Variants in COL13A1 observed in about 807,000 individuals in gnomAD.
The protein encoded by COL13A1 is collagen alpha-1(XIII) chain.
A neutral mutation model predicts 130.9 loss-of-function variants in COL13A1; 89 were observed. The ratio of observed to expected loss-of-function variants is 0.68; its 90% CI spans 0.57 to 0.81. The LOEUF is 0.81. Ranked by LOEUF, COL13A1 falls within the 30% of genes least tolerant of loss-of-function variation. The probability of loss-of-function intolerance (pLI) is 0.00; values close to 1 mark genes in which losing one functional copy is unlikely to be tolerated. For synonymous variants in COL13A1, 402 were observed against 341.6 expected (o/e 1.18, Z -1.95); for missense variants, 879 against 934.6 (o/e 0.94, Z 0.78).
chr10:69,924,640 G>A (rs1212985777), intron 24 of COL13A1, among the ~76,000 whole-genome samples: 2 of 152,148 alleles, frequency 1.3e-5, no homozygotes, highest in African/African-American at 2.4e-5. Context: ...TTAAAGAGAA[G>A]CAAACGTCCC....
chr10:69,952,607 C>G (rs933015539), intron 38 of COL13A1, among the ~76,000 whole-genome samples: 1 of 152,246 alleles, frequency 6.6e-6, no homozygotes, highest in East Asian at 1.9e-4. Context: ...AACCGGCCAC[C>G]AAAATCTTCA....
chr10:69,822,540 CTT>C (rs755810316), intron 2 of COL13A1, 102 bp downstream of exon 2: 2 of 875,064 alleles, frequency 2.3e-6, no homozygotes, highest in Non-Finnish European at 3.3e-6. Flanking sequence ...CAGGCCGTCA[CTT>C]TTCATTTGAA....
At chr10:69,918,976 C>T (rs2064274869) in intron 19 of COL13A1, 86 bp from the exon 20 acceptor site, 2 of 1,554,582 alleles carry the variant, frequency 1.3e-6, no homozygotes, top group Middle Eastern at 1.7e-4. Context: ...CCTGACTGCC[C>T]CCAACCCCAC....
chr10:69,953,097 T>C (rs2069920076), intron 39 of COL13A1, 129 bp downstream of exon 39: 1 of 599,412 alleles, frequency 1.7e-6, no homozygotes, highest in Non-Finnish European at 2.7e-6. Flanking sequence ...AATCTCTCTG[T>C]TCATTTGACT....
chr10:69,896,206 T>A (rs943565655), intron 13 of COL13A1, among the ~76,000 whole-genome samples: 1 of 152,090 alleles, frequency 6.6e-6, no homozygotes, highest in Non-Finnish European at 1.5e-5. Flanking sequence ...AGATGGTTCC[T>A]CTGCCCACCC....
intron 4 of COL13A1, among the ~76,000 whole-genome samples, chr10:69,873,249 A>G (rs2059250704): frequency 6.6e-6 from 1 of 152,192 alleles, no homozygotes; most frequent in Non-Finnish European, 1.5e-5. Context: ...CATGGATTAT[A>G]CTGTAACCTT....
At chr10:69,956,857 T>G (rs377251550) in intron 39 of COL13A1, 147 bp from the exon 40 acceptor site, 1 of 647,222 alleles carries the variant, frequency 1.5e-6, no homozygotes, top group Non-Finnish European at 2.9e-6. Context: ...GGTTCTGACC[T>G]GTAGTAGAGA....
rs764684972 is a variant in COL13A1 at position 69,802,373 on chromosome 10, C to T, written c.-51C>T. 7.1e-7 allele frequency: 1 copy of T among 1,400,002 alleles called. No individual in the cohort carries two copies. Among genetic ancestry groups the T allele is most frequent in the East Asian group, 3.0e-5 (1 of 33,678 alleles). 86.7% of individuals were successfully genotyped at this position (1,400,002 alleles called of 1,614,324 possible). A position where few individuals can be genotyped will look rare whatever the true frequency, so the allele number is the denominator to read the frequency against. Reference sequence around the variant, plus strand: ...GATAGAGCCTTTTGGCAGCGGCTGTCGCCTTTATTTATTCTATTTATTTAT... The same window carrying T: ...GATAGAGCCTTTTGGCAGCGGCTGTTGCCTTTATTTATTCTATTTATTTAT... On this transcript the variant is annotated 5_prime_UTR_variant, in exon 1 of 41. Transcript: ENST00000645393.
intron 15 of COL13A1, 48 bp from the exon 16 acceptor site, chr10:69,904,885 C>T (rs1203329893): frequency 2.0e-6 from 3 of 1,536,398 alleles, no homozygotes; most frequent in Non-Finnish European, 2.6e-6. Flanking sequence ...CCAACCAGCT[C>T]TACTCACCTT....
intron 36 of COL13A1, among the ~76,000 whole-genome samples, chr10:69,944,948 C>G (rs767030259): frequency 4.6e-5 from 7 of 152,240 alleles, no homozygotes; most frequent in Admixed American, 1.3e-4. Flanking sequence ...CAGGCTCCCA[C>G]GGTCGCTGTC....
chr10:69,844,624 G>A (rs1290634254), intron 2 of COL13A1, among the ~76,000 whole-genome samples: 1 of 152,206 alleles, frequency 6.6e-6, no homozygotes, highest in East Asian at 1.9e-4. Context: ...CTAGAGAAGG[G>A]TTAACTAGCA....
intron 17 of COL13A1, among the ~76,000 whole-genome samples, chr10:69,906,286 C>T (rs1247572265): frequency 6.6e-6 from 1 of 152,148 alleles, no homozygotes; most frequent in Non-Finnish European, 1.5e-5. Flanking sequence ...ACAAACCATT[C>T]CAAGTTTACT....
chr10:69,952,442 C>T (rs777837425), intron 38 of COL13A1, among the ~76,000 whole-genome samples: 1 of 152,224 alleles, frequency 6.6e-6, no homozygotes, highest in Non-Finnish European at 1.5e-5. Context: ...AGCAAAATCA[C>T]CTTGCCTCCT....
At chr10:69,929,493 A>G (rs762468279) in intron 28 of COL13A1, among the ~76,000 whole-genome samples, 11 of 152,034 alleles carry the variant, frequency 7.2e-5, no homozygotes, top group Non-Finnish European at 1.6e-4. Context: ...GCCCAATTCA[A>G]TAGACCACCT....
chr10:69,883,677 G>A (rs566668995), intron 7 of COL13A1, among the ~76,000 whole-genome samples: 3 of 152,186 alleles, frequency 2.0e-5, no homozygotes, highest in Non-Finnish European at 4.4e-5. Context: ...GTTTCCTGGA[G>A]GAGGGGATAA....
intron 2 of COL13A1, among the ~76,000 whole-genome samples, chr10:69,845,343 C>A (rs1223399766): frequency 1.3e-5 from 2 of 152,104 alleles, no homozygotes; most frequent in Non-Finnish European, 2.9e-5. Flanking sequence ...CAGGCACCCA[C>A]CACCACGCCT....
chr10:69,941,130 T>C (rs1351485942), intron 35 of COL13A1, 107 bp downstream of exon 35: 2 of 1,564,964 alleles, frequency 1.3e-6, no homozygotes, highest in East Asian at 4.5e-5. Context: ...GAATCATGCC[T>C]GGTCCCACCT....
intron 2 of COL13A1, among the ~76,000 whole-genome samples, chr10:69,852,943 G>T (rs1855339624): frequency 6.6e-6 from 1 of 152,212 alleles, no homozygotes; most frequent in African/African-American, 2.4e-5. Context: ...CTTTTTGTCT[G>T]CAGAGAGCTC....
In COL13A1 at chr10:69,891,550, G is replaced by A. The variant is rs1054010257; in HGVS notation, c.603+2110G>A. Among the ~76,000 whole-genome samples, 14 of 152,230 alleles carry A rather than the reference G, an allele frequency of 9.2e-5. No homozygotes were observed. The East Asian group carries it at 9.7e-4, about 10-fold the overall frequency. The stretch of plus-strand genomic sequence containing the variant: ...TTTCCTCTCCATCACAGCTGCCTCC[G>A]CTGCAAATGCATTTCCCCCCGCCCC... On this transcript the variant is annotated intron_variant, in intron 10 of 40. Transcript: ENST00000645393.
Sources: allele counts gnomAD v4.1 joint callset (sites outside exome capture counted in the v4.1 genomes callset), GRCh38; gene constraint gnomAD v4.1.1; transcripts MANE v1.5; gene names NCBI Gene and HGNC (gene_info 2026-07-23, HGNC 2026-07-21).